Variants in ART4 observed in about 807,000 individuals in gnomAD.
The protein encoded by ART4 is ADP-ribosyltransferase 4 (inactive) (Dombrock blood group), also known as ecto-ADP-ribosyltransferase 4.
Under a neutral mutation model 24.2 loss-of-function variants are expected in ART4, and 14 were observed. That is an observed-to-expected ratio of 0.58 (90% CI 0.38 to 0.90). ART4 has a LOEUF of 0.90. Among genes scored for constraint, ART4 ranks in the 40% least tolerant of loss-of-function variants. The pLI is 0.00. For synonymous variants in ART4, 145 were observed against 139.9 expected (o/e 1.04, Z -0.26); for missense variants, 356 against 366.6 (o/e 0.97, Z 0.24).
chr12:14,836,012 G>C (rs1003976468), intron 2 of ART4, among the ~76,000 whole-genome samples: 1 of 151,998 alleles, frequency 6.6e-6, no homozygotes, highest in Non-Finnish European at 1.5e-5. Context: ...ACATTCAGTG[G>C]ATTCCTGAAA....
chr12:14,836,527 T>C (rs1950432267), intron 2 of ART4, among the ~76,000 whole-genome samples: 2 of 152,328 alleles, frequency 1.3e-5, no homozygotes, highest in African/African-American at 2.4e-5. Flanking sequence ...GAATTGTCCA[T>C]TTAATATATT....
intron 2 of ART4, among the ~76,000 whole-genome samples, chr12:14,834,560 G>A (rs1950416744): frequency 6.6e-6 from 1 of 152,146 alleles, no homozygotes; most frequent in South Asian, 2.1e-4. Context: ...CTAGAAACAT[G>A]TTAAGAATTT....
chr12:14,830,649 G>GTATATATATATATA (rs3084548), intron 2 of ART4, among the ~76,000 whole-genome samples: 5 of 25,922 alleles, frequency 1.9e-4, no homozygotes, highest in South Asian at 1.7e-3. Context: ...CTGTATGTAT[G>GTATATATATATATA]TATATATATA....
intron 2 of ART4, among the ~76,000 whole-genome samples, chr12:14,836,637 T>C (rs536352657): frequency 1.3e-5 from 2 of 152,236 alleles, no homozygotes; most frequent in Non-Finnish European, 2.9e-5. Context: ...AACTAGCCAA[T>C]GGCAGATGAG....
chr12:14,838,484 A>G (rs1950444768), intron 2 of ART4, among the ~76,000 whole-genome samples: 1 of 152,218 alleles, frequency 6.6e-6, no homozygotes, highest in Non-Finnish European at 1.5e-5. Flanking sequence ...GAACCTGGCT[A>G]TGAATGTTTT....
At chr12:14,841,198 G>T in intron 1 of ART4, 45 bp from the exon 2 acceptor site, 3 of 1,520,916 alleles carry the variant, frequency 2.0e-6, no homozygotes, top group Non-Finnish European at 2.6e-6. Context: ...CAAATCAGAT[G>T]GTGAATGTGG....
At position 14,828,074 on chromosome 12, in the gene ART4, C is replaced by CTA. The variant is rs1950370395; in HGVS notation, c.*1295_*1296dup. The CTA allele has an allele frequency of 6.6e-6, 1 of 152,166 alleles. No homozygotes were observed. Among genetic ancestry groups the CTA allele is most frequent in the Non-Finnish European group, 1.5e-5 (1 of 68,020 alleles). 9.4% of individuals were successfully genotyped at this position (152,166 alleles called of 1,614,324 possible). On this transcript the variant is annotated 3_prime_UTR_variant, in exon 3 of 3. Transcript: ENST00000228936. ...TCGGGTTAAATAATCCCTTATGTCG[C>CTA]TACCTAAATTACTACCTGAGGGAAG...
At chr12:14,836,467 C>G (rs1307110572) in intron 2 of ART4, among the ~76,000 whole-genome samples, 1 of 152,156 alleles carries the variant, frequency 6.6e-6, no homozygotes, top group Non-Finnish European at 1.5e-5. Context: ...GATTTCATCA[C>G]ACCACTCAGA....
chr12:14,836,614 T>A (rs1950432788), intron 2 of ART4, among the ~76,000 whole-genome samples: 1 of 152,210 alleles, frequency 6.6e-6, no homozygotes, highest in Non-Finnish European at 1.5e-5. Context: ...CTCAACTAAA[T>A]GACTGTGATG....
intron 2 of ART4, among the ~76,000 whole-genome samples, chr12:14,833,646 G>A (rs1201542220): frequency 1.3e-5 from 2 of 152,122 alleles, no homozygotes; most frequent in African/African-American, 2.4e-5. Context: ...GGTCATCTCT[G>A]CCTTAGGGTA....
intron 2 of ART4, among the ~76,000 whole-genome samples, chr12:14,840,209 G>A (rs1950457242): frequency 6.6e-6 from 1 of 152,148 alleles, no homozygotes; most frequent in South Asian, 2.1e-4. Flanking sequence ...CTGTCTGTCT[G>A]CAATTTTTTA....
intron 2 of ART4, among the ~76,000 whole-genome samples, chr12:14,835,157 A>G (rs1950421081): frequency 6.6e-6 from 1 of 152,216 alleles, no homozygotes; most frequent in African/African-American, 2.4e-5. Context: ...GGGGACACAG[A>G]ATAGCTTGTG....
intron 2 of ART4, among the ~76,000 whole-genome samples, chr12:14,837,977 ACTGCCTGC>A (rs1950442270): frequency 6.6e-6 from 1 of 152,190 alleles, no homozygotes; most frequent in South Asian, 2.1e-4. Context: ...CTGGGCTCAA[ACTGCCTGC>A]CTGCCTAGTT....
rs980785849 is a variant in ART4 at position 14,825,962 on chromosome 12, G to T, written c.*3409C>A. ...GTACACATCAAAAGGAGACATACAT[G>T]TATTTGTTTAATAAAATTACTATAG... On this transcript the variant is annotated 3_prime_UTR_variant, in exon 3 of 3. Coordinates refer to ENST00000228936, the MANE Select transcript of ART4 (RefSeq NM_021071.4). 6.6e-6 allele frequency: 1 copy of T among 152,114 alleles called. No homozygotes were observed. Among genetic ancestry groups the T allele is most frequent in the African/African-American group, 2.4e-5 (1 of 41,410 alleles). 9.4% of individuals were successfully genotyped at this position (152,114 alleles called of 1,614,324 possible). A position where few individuals can be genotyped will look rare whatever the true frequency, so the allele number is the denominator to read the frequency against.
rs933536730 is a variant in ART4, at chr12:14,843,062, G to A, written c.52C>T (p.Pro18Ser). The A allele has an allele frequency of 1.2e-6, 2 of 1,614,104 alleles. No individual in the cohort carries two copies. The highest frequency in any genetic ancestry group is 2.2e-5 in the East Asian group (1 of 44,894). The change falls in exon 1 of 3, where the codon CCT becomes TCT. Residue 18 changes from proline (P) to serine (S), a missense_variant. Transcript: ENST00000228936. ...CKKILLPTTV[P>S]PATMRIWLLG... ...AGCCAGATTCTCATCGTTGCAGGAG[G>A]TACAGTAGTTGGGAGAAGAATCTTC...
rs1018414287 is a variant in ART4 at position 14,829,013 on chromosome 12, T to C, written c.*358A>G. The C allele has an allele frequency of 6.2e-6, 1 of 160,710 alleles. No individual in the cohort carries two copies. The highest frequency in any genetic ancestry group is 6.4e-5 in the Admixed American group (1 of 15,622). The allele number at this position is 160,710 out of a possible 1,614,324, so 10.0% of individuals were successfully genotyped here. On this transcript the variant is annotated 3_prime_UTR_variant, in exon 3 of 3. Transcript: ENST00000228936. Reference sequence around the variant, plus strand: ...CCTGATTGTATCTCACAGGCTCTGATTGGATCATTTTCTATTCCAGCATGA... The same window carrying C: ...CCTGATTGTATCTCACAGGCTCTGACTGGATCATTTTCTATTCCAGCATGA...
intron 2 of ART4, among the ~76,000 whole-genome samples, chr12:14,830,649 GTATATATATATA>G (rs3084548): frequency 0.02 from 517 of 25,942 alleles, 17 homozygotes; most frequent in African/African-American, 0.038. Flanking sequence ...CTGTATGTAT[GTATATATATATA>G]TATATATATA....
intron 1 of ART4, among the ~76,000 whole-genome samples, chr12:14,842,687 A>G (rs1485502629): frequency 6.6e-6 from 1 of 152,210 alleles, no homozygotes; most frequent in Admixed American, 6.5e-5. Context: ...TTTATTTTGC[A>G]TTGTTTGTAC....
chr12:14,830,264 A>G (rs1017436459), intron 2 of ART4, among the ~76,000 whole-genome samples: 3 of 151,856 alleles, frequency 2.0e-5, no homozygotes, highest in African/African-American at 4.8e-5. Flanking sequence ...GATATAACTA[A>G]TAATTGGCCA....
Sources: gnomAD v4.1 joint callset for allele counts (sites outside exome capture counted in the v4.1 genomes callset) on GRCh38, gnomAD v4.1.1 for gene constraint, MANE v1.5 for transcripts, NCBI Gene and HGNC (gene_info 2026-07-23, HGNC 2026-07-21) for gene names.